The following CNTN4 variants were observed in gnomAD, a reference collection of about 807,000 sequenced individuals.
The protein encoded by CNTN4 is contactin 4.
In CNTN4, 77 loss-of-function variants were observed where a neutral mutation model predicts 122.5. The observed-to-expected ratio is 0.63, with a 90% confidence interval of 0.52 to 0.76. The LOEUF (loss-of-function observed/expected upper bound fraction) is 0.76, where lower values mean the gene tolerates loss of function less well. CNTN4 is among the 30% of genes least tolerant of loss of function. The pLI is 0.00. For synonymous variants in CNTN4, 512 were observed against 447.0 expected (o/e 1.15, Z -1.83); for missense variants, 1,256 against 1,259.1 (o/e 1.00, Z 0.04).
At chr3:2,554,826 C>T (rs990597606) in intron 3 of CNTN4, among the ~76,000 whole-genome samples, 3 of 152,120 alleles carry the variant, frequency 2.0e-5, no homozygotes, top group Non-Finnish European at 2.9e-5. Context: ...GTTTCCTAGT[C>T]GTTGCTAAAC....
In CNTN4 at chr3:2,671,788, C is replaced by T. The variant is rs374046469; in HGVS notation, c.56-64427C>T. On this transcript the variant is annotated intron_variant, in intron 4 of 24. Coordinates refer to ENST00000418658, the MANE Select transcript of CNTN4 (RefSeq NM_175607.3). ...CAGATGGGGTTTTGGTGTGGATGTC[C>T]TTTCTGTTTGTTAGTTTTCCTCCTA... 3.3e-5 allele frequency among the ~76,000 whole-genome samples: 5 copies of T among 152,256 alleles called. No individual in the cohort carries two copies. In the East Asian group the frequency reaches 7.7e-4, roughly 24 times the overall value.
At chr3:2,588,942 T>C (rs1309854385) in intron 4 of CNTN4, among the ~76,000 whole-genome samples, 1 of 152,198 alleles carries the variant, frequency 6.6e-6, no homozygotes, top group East Asian at 1.9e-4. Flanking sequence ...TTTTAACTCA[T>C]GTACTAGGTA....
At chr3:2,626,155 T>C (rs73112505) in intron 4 of CNTN4, among the ~76,000 whole-genome samples, 1,830 of 152,292 alleles carry the variant, frequency 0.012, 34 homozygotes, top group African/African-American at 0.042. Context: ...TTGGAGTCCT[T>C]TGATAGAGCA....
intron 2 of CNTN4, among the ~76,000 whole-genome samples, chr3:2,138,003 G>T (rs1328529226): frequency 2.6e-5 from 4 of 151,910 alleles, no homozygotes; most frequent in Non-Finnish European, 2.9e-5. Context: ...GGCTGGGAAA[G>T]TAAGTAGTCG....
chr3:2,317,009 A>T (rs2043126020), intron 2 of CNTN4, among the ~76,000 whole-genome samples: 1 of 152,100 alleles, frequency 6.6e-6, no homozygotes, highest in African/African-American at 2.4e-5. Flanking sequence ...TTCTACATAC[A>T]TGCACACTAT....
At chr3:2,633,241 A>G (rs897574862) in intron 4 of CNTN4, among the ~76,000 whole-genome samples, 5 of 152,182 alleles carry the variant, frequency 3.3e-5, no homozygotes, top group Non-Finnish European at 7.3e-5. Context: ...CATAAAACAC[A>G]ACATAAATGA....
chr3:2,154,025 A>G, intron 2 of CNTN4, among the ~76,000 whole-genome samples: 1 of 152,294 alleles, frequency 6.6e-6, no homozygotes. Context: ...AGCAATATAT[A>G]TTGGTTACTT....
chr3:2,258,946 T>G (rs1018402278), intron 2 of CNTN4, among the ~76,000 whole-genome samples: 1 of 152,204 alleles, frequency 6.6e-6, no homozygotes, highest in African/African-American at 2.4e-5. Context: ...TCTTACATTA[T>G]TCTTTTTCAT....
chr3:2,703,546 G>T (rs1250431378), intron 4 of CNTN4, among the ~76,000 whole-genome samples: 1 of 152,072 alleles, frequency 6.6e-6, no homozygotes, highest in Non-Finnish European at 1.5e-5. Context: ...AAATGATATA[G>T]GGTACTATGG....
chr3:2,249,429 G>A (rs996981293), intron 2 of CNTN4, among the ~76,000 whole-genome samples: 6 of 151,976 alleles, frequency 3.9e-5, no homozygotes, highest in Non-Finnish European at 5.9e-5. Context: ...TGACTAGAAA[G>A]TGTACTTTTT....
Position 2,478,222 on chromosome 3 carries a change from G to A in CNTN4, c.-88-93194G>A, listed in dbSNP as rs116496284. Among the ~76,000 whole-genome samples, 523 of 152,268 alleles carry A rather than the reference G, an allele frequency of 3.4e-3. 1 individual carries two copies. Among genetic ancestry groups the A allele is most frequent in the African/African-American group, 0.012 (504 of 41,546 alleles). On this transcript the variant is annotated intron_variant, in intron 3 of 24. Transcript: ENST00000418658. ...ATTTTTGATGTTTTCTTATTTCAGAGTGTCGCATAATGCATATCTTTGTCT... is the reference window on the plus strand; with the variant it reads ...ATTTTTGATGTTTTCTTATTTCAGAATGTCGCATAATGCATATCTTTGTCT...
chr3:2,561,051 A>G (rs1575997370), intron 3 of CNTN4, among the ~76,000 whole-genome samples: 1 of 152,318 alleles, frequency 6.6e-6, no homozygotes, highest in African/African-American at 2.4e-5. Flanking sequence ...AATGATGGAC[A>G]TACTAGTAAG....
chr3:2,829,619 C>T (rs1288292003), intron 7 of CNTN4, among the ~76,000 whole-genome samples: 2 of 152,208 alleles, frequency 1.3e-5, no homozygotes, highest in African/African-American at 4.8e-5. Context: ...ATGCTACTGA[C>T]ATACTTTTTG....
chr3:2,496,823 AG>A (rs1354927129), intron 3 of CNTN4, among the ~76,000 whole-genome samples: 1 of 152,160 alleles, frequency 6.6e-6, no homozygotes, highest in African/African-American at 2.4e-5. Flanking sequence ...ATATATTAAG[AG>A]GTCATTTATT....
At chr3:3,011,954 G>C (rs1420420823) in intron 14 of CNTN4, among the ~76,000 whole-genome samples, 1 of 152,052 alleles carries the variant, frequency 6.6e-6, no homozygotes, top group Non-Finnish European at 1.5e-5. Flanking sequence ...TTCAAACACT[G>C]AAACCATTCA....
chr3:2,598,513 TGTGA>T (rs775899650), intron 4 of CNTN4, among the ~76,000 whole-genome samples: 14 of 152,198 alleles, frequency 9.2e-5, no homozygotes, highest in South Asian at 8.3e-4. Flanking sequence ...TTAGGGTGTA[TGTGA>T]GTGAGTGTGT....
rs556074494 is a variant in CNTN4, at chr3:2,557,597, C to T, written c.-88-13819C>T. Among the ~76,000 whole-genome samples, 14 of 152,036 alleles carry T rather than the reference C, an allele frequency of 9.2e-5. No homozygotes were observed. In the South Asian group the frequency reaches 1.7e-3, roughly 18 times the overall value. On this transcript the variant is annotated intron_variant, in intron 3 of 24. Transcript: ENST00000418658. ...AAAACAAATTAGCTGGGCGTGGTGG[C>T]GGGCGCCTGTAGTTCCAGCTACTCA...
At chr3:2,245,341 C>G (rs1292258377) in intron 2 of CNTN4, among the ~76,000 whole-genome samples, 1 of 152,014 alleles carries the variant, frequency 6.6e-6, no homozygotes, top group Non-Finnish European at 1.5e-5. Flanking sequence ...TTAACAAACA[C>G]TTTCCGAGTA....
chr3:2,416,007 A>C (rs2047397828), intron 3 of CNTN4, among the ~76,000 whole-genome samples: 1 of 152,184 alleles, frequency 6.6e-6, no homozygotes, highest in Non-Finnish European at 1.5e-5. Context: ...TTGTTTAGTC[A>C]ATCAATAGCC....
Sources: gnomAD v4.1 joint callset for allele counts (sites outside exome capture counted in the v4.1 genomes callset) on GRCh38, gnomAD v4.1.1 for gene constraint, MANE v1.5 for transcripts, NCBI Gene and HGNC (gene_info 2026-07-23, HGNC 2026-07-21) for gene names.